NALF1: variants seen among roughly 807,000 people sequenced by gnomAD.
NALF1 encodes family with sequence similarity 155 member A.
NALF1 carries 3 observed loss-of-function variants against 48.4 expected under a neutral mutation model. The observed-to-expected ratio is 0.06, with a 90% CI of 0.03 to 0.16. NALF1 has a LOEUF of 0.16. NALF1 is among the 10% of genes least tolerant of loss of function. The pLI is 1.00. For missense variants in NALF1, 526 were observed against 571.5 expected (o/e 0.92, Z 0.81); for synonymous variants, 262 against 245.7 (o/e 1.07, Z -0.62).
At chr13:107,252,662 C>G (rs1040054626) in intron 1 of NALF1, among the ~76,000 whole-genome samples, 1 of 152,116 alleles carries the variant, frequency 6.6e-6, no homozygotes, top group Admixed American at 6.5e-5. Flanking sequence ...AGTCCACACT[C>G]GGGGTGGGGG....
intron 1 of NALF1, among the ~76,000 whole-genome samples, chr13:107,685,293 A>G (rs958455048): frequency 7.2e-5 from 11 of 152,268 alleles, no homozygotes; most frequent in African/African-American, 2.6e-4. Context: ...AGCCTGGGTG[A>G]CAAGGCGAGA....
chr13:107,568,788 G>A (rs1416517031), intron 1 of NALF1, among the ~76,000 whole-genome samples: 2 of 151,974 alleles, frequency 1.3e-5, no homozygotes, highest in African/African-American at 4.8e-5. Context: ...TTTTTAACTG[G>A]ATTTTTTGAA....
chr13:107,264,846 A>C (rs1048759878), intron 1 of NALF1, among the ~76,000 whole-genome samples: 1 of 152,188 alleles, frequency 6.6e-6, no homozygotes, highest in African/African-American at 2.4e-5. Flanking sequence ...TGTTCATTTT[A>C]AATAGCTGCG....
chr13:107,762,980 C>T (rs183444644), intron 1 of NALF1, among the ~76,000 whole-genome samples: 10 of 151,882 alleles, frequency 6.6e-5, no homozygotes, highest in Non-Finnish European at 7.4e-5. Context: ...AATTTCCACC[C>T]TCTGGACACC....
intron 1 of NALF1, among the ~76,000 whole-genome samples, chr13:107,491,387 GT>G (rs1489486386): frequency 6.6e-6 from 1 of 152,196 alleles, no homozygotes; most frequent in Admixed American, 6.5e-5. Context: ...AGACGACACA[GT>G]TTTCAGAAGC....
rs151127011 is a variant in NALF1, at chr13:107,182,660, G to A, written c.1088-11874C>T. ...ATTAGAACTTATCCTTTAAAAAATC[G>A]CACACACTTGAACTTATATTTGTCT... On this transcript the variant is annotated intron_variant, in intron 2 of 2. Transcript: ENST00000375915. 2.4e-3 allele frequency among the ~76,000 whole-genome samples: 368 copies of A among 152,150 alleles called. 1 individual carries two copies. The highest frequency in any genetic ancestry group is 8.2e-3 in the African/African-American group (340 of 41,502).
chr13:107,248,229 A>C (rs1192276379), intron 1 of NALF1, among the ~76,000 whole-genome samples: 2 of 152,112 alleles, frequency 1.3e-5, no homozygotes, highest in Admixed American at 1.3e-4. Context: ...TAGGGCAAAA[A>C]AAAAGGAGAA....
chr13:107,865,561 G>T (rs957710126), intron 1 of NALF1, 121 bp downstream of exon 1: 3 of 1,332,774 alleles, frequency 2.3e-6, no homozygotes, highest in Non-Finnish European at 3.1e-6. Context: ...CTTAATAACC[G>T]CAGAAAACAC....
chr13:107,427,679 T>G (rs557259368), intron 1 of NALF1, among the ~76,000 whole-genome samples: 19 of 152,332 alleles, frequency 1.2e-4, no homozygotes, highest in East Asian at 1.2e-3. Context: ...TGCATTGTGC[T>G]TTCTCTTCAA....
chr13:107,603,942 C>T (rs1406386546), intron 1 of NALF1, among the ~76,000 whole-genome samples: 1 of 152,094 alleles, frequency 6.6e-6, no homozygotes, highest in African/African-American at 2.4e-5. Context: ...ATACCAGTCA[C>T]GTGCAGGAGG....
chr13:107,629,454 A>G (rs890293956), intron 1 of NALF1, among the ~76,000 whole-genome samples: 2 of 152,160 alleles, frequency 1.3e-5, no homozygotes, highest in African/African-American at 4.8e-5. Flanking sequence ...TTCCAACTAA[A>G]CTATGCTTTT....
chr13:107,614,168 C>G (rs1290146717), intron 1 of NALF1, among the ~76,000 whole-genome samples: 3 of 152,122 alleles, frequency 2.0e-5, no homozygotes, highest in Middle Eastern at 6.3e-3. Flanking sequence ...AGAGAAAATA[C>G]CAAATCTCTC....
chr13:107,694,274 A>G (rs1240044607), intron 1 of NALF1, among the ~76,000 whole-genome samples: 5 of 151,448 alleles, frequency 3.3e-5, no homozygotes. Context: ...TTCACTTTCT[A>G]CTCCTCCATA....
At chr13:107,791,569 T>G (rs1254345858) in intron 1 of NALF1, among the ~76,000 whole-genome samples, 3 of 152,246 alleles carry the variant, frequency 2.0e-5, no homozygotes, top group Non-Finnish European at 4.4e-5. Flanking sequence ...ATGGATATTT[T>G]ATTTTTAAAA....
chr13:107,206,216 A>C (rs1055971472), intron 2 of NALF1, among the ~76,000 whole-genome samples: 1 of 152,272 alleles, frequency 6.6e-6, no homozygotes, highest in Admixed American at 6.5e-5. Context: ...TAATAGAAAA[A>C]AATTCAAGAG....
chr13:107,630,002 T>G (rs1039279476), intron 1 of NALF1, among the ~76,000 whole-genome samples: 1 of 152,162 alleles, frequency 6.6e-6, no homozygotes, highest in Non-Finnish European at 1.5e-5. Flanking sequence ...TCTATTTGTC[T>G]AATCTATCAT....
At chr13:107,794,559 C>T (rs1270950733) in intron 1 of NALF1, among the ~76,000 whole-genome samples, 1 of 144,132 alleles carries the variant, frequency 6.9e-6, no homozygotes, top group African/African-American at 2.6e-5. Context: ...TTTCACCCAC[C>T]AAAAAAAGAA....
intron 1 of NALF1, among the ~76,000 whole-genome samples, chr13:107,314,980 T>A (rs1882117472): frequency 6.6e-6 from 1 of 152,158 alleles, no homozygotes; most frequent in East Asian, 1.9e-4. Flanking sequence ...TATGAAAGTA[T>A]CAACCCAAAT....
chr13:107,217,657 A>C (rs532774371), intron 1 of NALF1, among the ~76,000 whole-genome samples: 1 of 152,146 alleles, frequency 6.6e-6, no homozygotes, highest in African/African-American at 2.4e-5. Flanking sequence ...CAGGTGAGAA[A>C]CCTGGGGGTC....
Sources: allele counts gnomAD v4.1 joint callset (sites outside exome capture counted in the v4.1 genomes callset), GRCh38; gene constraint gnomAD v4.1.1; transcripts MANE v1.5; gene names NCBI Gene and HGNC (gene_info 2026-07-23, HGNC 2026-07-21).